Variants in UBA6 observed in about 807,000 individuals in gnomAD.
The protein encoded by UBA6 is ubiquitin like modifier activating enzyme 6, also known as ubiquitin-like modifier-activating enzyme 6.
In UBA6, 87 loss-of-function variants were observed where a neutral mutation model predicts 148.3. The observed-to-expected ratio is 0.59, with a 90% CI of 0.49 to 0.70. UBA6 has a LOEUF of 0.70. UBA6 is among the 30% of genes least tolerant of loss of function. The pLI is 0.00. For synonymous variants in UBA6, 376 were observed against 401.0 expected, an observed-to-expected ratio of 0.94 and a Z score of 0.75; for missense variants, 1,186 against 1,241.2, an observed-to-expected ratio of 0.96 and a Z score of 0.67.
In UBA6 at chr4:67,646,989, A is replaced by T. The variant is rs1012297360; in HGVS notation, c.1249-198T>A. Among the ~76,000 whole-genome samples the T allele has an allele frequency of 6.6e-5, 10 of 152,142 alleles. No homozygotes were observed. In the East Asian group the frequency reaches 1.3e-3, roughly 21 times the overall value. ...CTCATTAAAATAATGGTAAAGCCTG[A>T]AGGAACTGTTGACAGATATAATTTG... On this transcript the variant is annotated intron_variant, in intron 14 of 32. Coordinates refer to ENST00000322244, the MANE Select transcript of UBA6 (RefSeq NM_018227.6).
intron 19 of UBA6, among the ~76,000 whole-genome samples, chr4:67,637,170 G>A (rs550908414): frequency 2.4e-3 from 359 of 150,932 alleles, no homozygotes; most frequent in Non-Finnish European, 4.3e-3. Context: ...CGCCCCGTCC[G>A]GGAGGTGGGG....
intron 14 of UBA6, among the ~76,000 whole-genome samples, chr4:67,647,008 TA>T (rs1398417192): frequency 6.6e-6 from 1 of 152,104 alleles, no homozygotes; most frequent in Non-Finnish European, 1.5e-5. Flanking sequence ...TTGACAGATA[TA>T]ATTTGATTCA....
At chr4:67,619,450 C>G (rs1728702185) in intron 32 of UBA6, among the ~76,000 whole-genome samples, 2 of 152,044 alleles carry the variant, frequency 1.3e-5, no homozygotes, top group Non-Finnish European at 2.9e-5. Context: ...CTGAGGCAGG[C>G]AGATCACCTC....
intron 1 of UBA6, among the ~76,000 whole-genome samples, chr4:67,700,663 C>T (rs1730957446): frequency 6.6e-6 from 1 of 152,078 alleles, no homozygotes; most frequent in East Asian, 1.9e-4. Flanking sequence ...AGTGGCGCTC[C>T]TAGCTTTCTT....
chr4:67,675,734 G>C (rs1730263492), intron 6 of UBA6, among the ~76,000 whole-genome samples: 1 of 149,418 alleles, frequency 6.7e-6, no homozygotes, highest in South Asian at 2.2e-4. Flanking sequence ...CCATCAGAAA[G>C]GAAAGAGAAA....
chr4:67,630,659 A>AT, intron 25 of UBA6, 124 bp from the exon 26 acceptor site: 1 of 643,140 alleles, frequency 1.6e-6, no homozygotes, highest in Non-Finnish European at 2.4e-6. Context: ...TATTATTTCA[A>AT]GTTTTTTTTT....
chr4:67,647,558 C>T (rs1729448299), intron 14 of UBA6, among the ~76,000 whole-genome samples: 1 of 151,984 alleles, frequency 6.6e-6, no homozygotes, highest in African/African-American at 2.4e-5. Flanking sequence ...TCTATAATTT[C>T]ACACACTATA....
chr4:67,639,880 C>T (rs897160800), intron 18 of UBA6, among the ~76,000 whole-genome samples: 2 of 152,204 alleles, frequency 1.3e-5, no homozygotes, highest in Non-Finnish European at 2.9e-5. Flanking sequence ...CCACACTGTA[C>T]TCACCTATTT....
intron 13 of UBA6, among the ~76,000 whole-genome samples, chr4:67,655,269 A>T (rs545476577): frequency 5.1e-4 from 77 of 152,320 alleles, no homozygotes; most frequent in African/African-American, 1.7e-3. Context: ...ACTTATTCTA[A>T]AATTGACCAC....
chr4:67,618,833 G>A lies in UBA6; in HGVS notation c.*164C>T. 1 of 660,218 alleles carries A rather than the reference G, an allele frequency of 1.5e-6. No homozygotes were observed. Among genetic ancestry groups the A allele is most frequent in the African/African-American group, 1.9e-5 (1 of 54,024 alleles). 40.9% of individuals were successfully genotyped at this position (660,218 alleles called of 1,614,324 possible). ...ACAAGTGTATGCTATGCCCCAAAAT[G>A]TTTTATAATTCTTCAGTGCAGTTTC... On this transcript the variant is annotated 3_prime_UTR_variant, in exon 33 of 33. Coordinates refer to ENST00000322244, the MANE Select transcript of UBA6 (RefSeq NM_018227.6).
In UBA6 at chr4:67,617,292, A is replaced by G. The variant is rs892479875; in HGVS notation, c.*1705T>C. On this transcript the variant is annotated 3_prime_UTR_variant, in exon 33 of 33. Transcript: ENST00000322244. ...CGTGGAAAAAAGCCTTCTTTGCAAA[A>G]GTCCTTTTATTAGTCCTATCCTCTA... 8 of 152,144 alleles carry G rather than the reference A, an allele frequency of 5.3e-5. No homozygotes were observed. 9.4% of individuals were successfully genotyped at this position (152,144 alleles called of 1,614,324 possible).
intron 13 of UBA6, among the ~76,000 whole-genome samples, chr4:67,661,480 C>G (rs1246324794): frequency 6.6e-6 from 1 of 152,160 alleles, no homozygotes. Flanking sequence ...TCTCCTTTGT[C>G]TCCTGCCATG....
intron 13 of UBA6, among the ~76,000 whole-genome samples, chr4:67,656,084 T>C (rs1385731871): frequency 6.6e-6 from 1 of 152,138 alleles, no homozygotes; most frequent in East Asian, 1.9e-4. Context: ...ACCAGACGGA[T>C]TCAAAGCCGA....
chr4:67,649,845 TTTTC>T (rs1313176142), intron 13 of UBA6, among the ~76,000 whole-genome samples: 2 of 152,306 alleles, frequency 1.3e-5, no homozygotes, highest in African/African-American at 4.8e-5. Flanking sequence ...ACGAGCCCTG[TTTTC>T]TTTCTCTTCT....
intron 13 of UBA6, among the ~76,000 whole-genome samples, chr4:67,659,083 TCA>T (rs1230907109): frequency 6.6e-6 from 1 of 152,246 alleles, no homozygotes; most frequent in Non-Finnish European, 1.5e-5. Context: ...TTCTGTTTAA[TCA>T]CAGACTTCTA....
chr4:67,688,541 A>C (rs935940283), intron 2 of UBA6, among the ~76,000 whole-genome samples: 2 of 152,108 alleles, frequency 1.3e-5, no homozygotes, highest in African/African-American at 4.8e-5. Context: ...CCTTTGAGAG[A>C]GAGAACTCAG....
intron 13 of UBA6, 79 bp from the exon 14 acceptor site, chr4:67,649,290 G>A: frequency 3.0e-6 from 4 of 1,318,860 alleles, no homozygotes; most frequent in Non-Finnish European, 4.1e-6. Context: ...CTAAATGTGA[G>A]AATTAGAACT....
chr4:67,689,573 A>C lies in UBA6; in HGVS notation c.134+7072T>G, dbSNP rs77778392. On this transcript the variant is annotated intron_variant, in intron 2 of 32. Transcript: ENST00000322244. ...TTTTGGCTGTCAGAATTTTCCAGAT[A>C]TAAAGGATGGTCTTATTGTAGCAGC... Among the ~76,000 whole-genome samples, 622 of 152,248 alleles carry C rather than the reference A, an allele frequency of 4.1e-3. 6 individuals carry two copies. Among genetic ancestry groups the C allele is most frequent in the African/African-American group, 0.014 (585 of 41,576 alleles).
rs1728611167 is a variant in UBA6 at position 67,615,700 on chromosome 4, A to C, written c.*3297T>G. On this transcript the variant is annotated 3_prime_UTR_variant, in exon 33 of 33. Transcript: ENST00000322244. ...ATTACACAGACATAATGAAGAATAA[A>C]GTACAGCTACAACCAACATGAATCA... The C allele has an allele frequency of 6.4e-6, 1 of 156,132 alleles. No individual in the cohort carries two copies. The allele number at this position is 156,132 out of a possible 1,614,324, so 9.7% of individuals were successfully genotyped here.
Sources: allele counts gnomAD v4.1 joint callset (sites outside exome capture counted in the v4.1 genomes callset), GRCh38; gene constraint gnomAD v4.1.1; transcripts MANE v1.5; gene names NCBI Gene and HGNC (gene_info 2026-07-23, HGNC 2026-07-21).